The following EBF2 variants were observed in gnomAD, a reference collection of about 807,000 sequenced individuals.
The protein encoded by EBF2 is transcription factor COE2.
A neutral mutation model predicts 72.8 loss-of-function variants in EBF2; 21 were observed. That is an observed-to-expected ratio of 0.29 (90% CI 0.20 to 0.42). The LOEUF (loss-of-function observed/expected upper bound fraction) is 0.42, where lower values mean the gene tolerates loss of function less well. Ranked by LOEUF, EBF2 falls within the 10% of genes least tolerant of loss-of-function variation. EBF2 has a pLI of 1.00. For missense variants in EBF2, 637 were observed against 731.2 expected, an observed-to-expected ratio of 0.87 and a Z score of 1.49; for synonymous variants, 299 against 274.2, an observed-to-expected ratio of 1.09 and a Z score of -0.89.
chr8:25,990,007 C>T (rs1804519695), intron 6 of EBF2, among the ~76,000 whole-genome samples: 1 of 152,122 alleles, frequency 6.6e-6, no homozygotes, highest in South Asian at 2.1e-4. Flanking sequence ...ATCTCCTCTT[C>T]CCAGCCTTGA....
rs373623638 is a variant in EBF2, at chr8:25,903,226, G to T, written c.633+5248C>A. Among the ~76,000 whole-genome samples, 104 of 147,140 alleles carry T rather than the reference G, an allele frequency of 7.1e-4. 1 individual carries two copies. The highest frequency in any genetic ancestry group is 2.2e-3 in the African/African-American group (87 of 39,602). On this transcript the variant is annotated intron_variant, in intron 7 of 15. Transcript: ENST00000520164. The stretch of plus-strand genomic sequence containing the variant: ...TTTTTTCCTTTTTGTGGAGAACAAG[G>T]TCTCACTACATTCCCCAAGCAGGTC...
chr8:25,921,392 T>A (rs1018709073), intron 6 of EBF2, among the ~76,000 whole-genome samples: 1 of 152,182 alleles, frequency 6.6e-6, no homozygotes, highest in Non-Finnish European at 1.5e-5. Flanking sequence ...GGTCAAGAAT[T>A]TGATACAAAA....
chr8:26,017,154 T>TAAAAAAA (rs760786092), intron 6 of EBF2, among the ~76,000 whole-genome samples: 3 of 139,392 alleles, frequency 2.2e-5, no homozygotes, highest in African/African-American at 7.9e-5. Flanking sequence ...TCCCCTTATT[T>TAAAAAAA]AAAAAAAAAA....
At chr8:25,971,334 G>A (rs538521004) in intron 6 of EBF2, among the ~76,000 whole-genome samples, 3 of 150,894 alleles carry the variant, frequency 2.0e-5, no homozygotes, top group Admixed American at 1.3e-4. Context: ...CAGAGACATC[G>A]TGGGCAACAG....
chr8:25,850,747 G>T lies in EBF2; in HGVS notation c.1543C>A (p.Pro515Thr). The change falls in exon 15 of 16, where the codon CCC becomes ACC. Residue 515 changes from proline to threonine, a missense_variant. Coordinates refer to ENST00000520164, the MANE Select transcript of EBF2 (RefSeq NM_022659.4). ...GSPYGIMSSS[P>T]TVGSSSTSSI... The stretch of plus-strand genomic sequence containing the variant: ...GATGTGCTGGAAGACCCAACGGTGG[G>T]ACTTGATGACATGACTGGAAAGCAA... 6.4e-7 allele frequency: 1 copy of T among 1,559,940 alleles called. No individual in the cohort carries two copies. Among genetic ancestry groups the T allele is most frequent in the South Asian group, 1.2e-5 (1 of 81,504 alleles).
intron 6 of EBF2, among the ~76,000 whole-genome samples, chr8:26,010,821 T>G (rs1018688377): frequency 2.5e-4 from 38 of 152,224 alleles, no homozygotes; most frequent in Non-Finnish European, 4.6e-4. Flanking sequence ...AAAGAGCGGC[T>G]CTTTCTGTCC....
At chr8:25,919,106 G>A (rs1803269548) in intron 6 of EBF2, among the ~76,000 whole-genome samples, 1 of 152,202 alleles carries the variant, frequency 6.6e-6, no homozygotes, top group South Asian at 2.1e-4. Context: ...CTTTCATGCT[G>A]GAGAGTGGAG....
intron 6 of EBF2, among the ~76,000 whole-genome samples, chr8:25,937,487 G>A (rs541258742): frequency 6.6e-6 from 1 of 152,174 alleles, no homozygotes; most frequent in South Asian, 2.1e-4. Flanking sequence ...TATTACCATA[G>A]AACATTATAA....
chr8:25,891,212 G>T (rs569805967), intron 7 of EBF2, among the ~76,000 whole-genome samples: 2 of 152,258 alleles, frequency 1.3e-5, no homozygotes, highest in Admixed American at 6.5e-5. Flanking sequence ...GATCAGGGGT[G>T]GGGGAGAAGC....
intron 6 of EBF2, among the ~76,000 whole-genome samples, chr8:25,930,299 G>A (rs1803458876): frequency 6.6e-6 from 1 of 152,158 alleles, no homozygotes; most frequent in Non-Finnish European, 1.5e-5. Context: ...AGTAGTGTAG[G>A]AAAAACAGTT....
chr8:25,936,845 A>G (rs1047799179), intron 6 of EBF2, among the ~76,000 whole-genome samples: 1 of 152,248 alleles, frequency 6.6e-6, no homozygotes. Flanking sequence ...TAAAAGTATC[A>G]TCTTCATCTG....
intron 6 of EBF2, among the ~76,000 whole-genome samples, chr8:26,009,610 G>A (rs1181850061): frequency 6.6e-6 from 1 of 152,128 alleles, no homozygotes; most frequent in African/African-American, 2.4e-5. Context: ...AAGAAATACC[G>A]CCCGCAAATT....
At chr8:25,904,225 G>T (rs1283096762) in intron 7 of EBF2, among the ~76,000 whole-genome samples, 3 of 124,158 alleles carry the variant, frequency 2.4e-5, no homozygotes, top group Non-Finnish European at 5.0e-5. Flanking sequence ...ATTCTTAAAG[G>T]GGTCTGGGCC....
chr8:26,031,123 T>C (rs1371156291), intron 6 of EBF2, among the ~76,000 whole-genome samples: 2 of 152,056 alleles, frequency 1.3e-5, no homozygotes, highest in Non-Finnish European at 2.9e-5. Flanking sequence ...GTTTACAGGG[T>C]GTTTATTACG....
intron 6 of EBF2, among the ~76,000 whole-genome samples, chr8:26,010,749 C>A (rs1454363835): frequency 6.6e-6 from 1 of 152,172 alleles, no homozygotes; most frequent in East Asian, 1.9e-4. Context: ...GCCTTCTTCC[C>A]TCGATACGAG....
intron 13 of EBF2, 113 bp downstream of exon 13, chr8:25,860,936 T>C (rs1802201563): frequency 1.8e-6 from 2 of 1,132,838 alleles, no homozygotes. Context: ...TTGTATTGCC[T>C]ATCTGTGGAC....
At chr8:26,040,881 G>C (rs1005539945) in intron 3 of EBF2, 58 bp downstream of exon 3, 7 of 1,607,844 alleles carry the variant, frequency 4.4e-6, no homozygotes, top group African/African-American at 1.3e-5. Context: ...AGGTCAGCGC[G>C]TGCGGCCCGG....
At chr8:25,966,298 C>T (rs997439292) in intron 6 of EBF2, among the ~76,000 whole-genome samples, 2 of 152,198 alleles carry the variant, frequency 1.3e-5, no homozygotes, top group Non-Finnish European at 2.9e-5. Flanking sequence ...ATAAGTCGCT[C>T]AACCCTGCTC....
At chr8:25,943,311 C>CCA (rs1803710010) in intron 6 of EBF2, among the ~76,000 whole-genome samples, 1 of 59,158 alleles carries the variant, frequency 1.7e-5, no homozygotes, top group African/African-American at 4.5e-5. Context: ...TGTCTCTACA[C>CCA]AAAAAAAAAA....
Sources: allele counts gnomAD v4.1 joint callset (sites outside exome capture counted in the v4.1 genomes callset), GRCh38; gene constraint gnomAD v4.1.1; transcripts MANE v1.5; gene names NCBI Gene and HGNC (gene_info 2026-07-23, HGNC 2026-07-21).